The following MARCHF8 variants were observed in gnomAD, a reference collection of about 807,000 sequenced individuals.
The protein encoded by MARCHF8 is E3 ubiquitin-protein ligase MARCHF8.
Under a neutral mutation model 51.6 loss-of-function variants are expected in MARCHF8, and 40 were observed. That is an observed-to-expected ratio of 0.77 (90% CI 0.60 to 1.01). The LOEUF is 1.01. Among genes scored for constraint, MARCHF8 ranks in the 50% least tolerant of loss-of-function variants. MARCHF8 has a pLI of 0.00. For missense variants in MARCHF8, 685 were observed against 708.6 expected (o/e 0.97, Z 0.38); for synonymous variants, 263 against 280.3 (o/e 0.94, Z 0.62).
intron 1 of MARCHF8, among the ~76,000 whole-genome samples, chr10:45,573,500 C>G (rs1230230394): frequency 6.6e-6 from 1 of 152,202 alleles, no homozygotes; most frequent in East Asian, 1.9e-4. Context: ...TGCCGGAAAT[C>G]TGGCCACTGG....
At chr10:45,538,536 G>C (rs1299916328), upstream of MARCHF8, among the ~76,000 whole-genome samples, 1 of 152,144 alleles carries the variant, frequency 6.6e-6, no homozygotes, top group Non-Finnish European at 1.5e-5. Context: ...TGGATAAAGA[G>C]TCAAGACCCA....
rs139707041 is a variant in MARCHF8 at position 45,507,032 on chromosome 10, T to C, written c.103-17615A>G. 1.3e-3 allele frequency among the ~76,000 whole-genome samples: 199 copies of C among 152,340 alleles called. 1 individual carries two copies. Among genetic ancestry groups the C allele is most frequent in the African/African-American group, 4.3e-3 (178 of 41,586 alleles). ...AATGAAAGTGTACACACAGTTAAAG[T>C]TGTGTTAGCTCTGGATGTTAGCTCT... On this transcript the variant is annotated intron_variant, in intron 2 of 7. Transcript: ENST00000453424.
intron 1 of MARCHF8, among the ~76,000 whole-genome samples, chr10:45,591,334 G>A (rs914478422): frequency 3.0e-4 from 45 of 152,154 alleles, no homozygotes; most frequent in Admixed American, 2.2e-3. Flanking sequence ...GCATGGTGGC[G>A]TGTGCCCATA....
intron 1 of MARCHF8, among the ~76,000 whole-genome samples, chr10:45,574,790 A>C (rs1027355424): frequency 1.3e-5 from 2 of 151,958 alleles, no homozygotes; most frequent in African/African-American, 2.4e-5. Flanking sequence ...TAACTTCCAA[A>C]ATCTATTTTC....
intron 1 of MARCHF8, among the ~76,000 whole-genome samples, chr10:45,588,132 C>G (rs2044637185): frequency 6.7e-6 from 1 of 149,476 alleles, no homozygotes; most frequent in East Asian, 1.9e-4. Context: ...TCCTTACATG[C>G]TAATAAATAT....
intron 3 of MARCHF8, among the ~76,000 whole-genome samples, chr10:45,479,858 C>T (rs564916464): frequency 4.5e-4 from 68 of 152,224 alleles, no homozygotes; most frequent in Non-Finnish European, 8.7e-4. Context: ...TATAAAGATA[C>T]CTGAAAATGT....
intron 1 of MARCHF8, among the ~76,000 whole-genome samples, chr10:45,565,454 T>C (rs941899223): frequency 2.6e-5 from 4 of 151,840 alleles, no homozygotes; most frequent in African/African-American, 7.3e-5. Flanking sequence ...AATATAAACA[T>C]ATATGACAAC....
chr10:45,474,828 A>G (rs936719387), intron 3 of MARCHF8, among the ~76,000 whole-genome samples: 2 of 152,142 alleles, frequency 1.3e-5, no homozygotes, highest in Non-Finnish European at 2.9e-5. Flanking sequence ...GAAGCGAGCG[A>G]TCCCCAGCGG....
intron 1 of MARCHF8, among the ~76,000 whole-genome samples, chr10:45,558,730 G>C (rs2044278863): frequency 6.6e-6 from 1 of 152,232 alleles, no homozygotes; most frequent in South Asian, 2.1e-4. Flanking sequence ...GTGTATGTAT[G>C]TATAACACCC....
intron 1 of MARCHF8, among the ~76,000 whole-genome samples, chr10:45,555,462 C>T (rs1472102774): frequency 4.0e-5 from 6 of 151,844 alleles, no homozygotes; most frequent in African/African-American, 7.3e-5. Flanking sequence ...GCTGGCTGGG[C>T]GTGATGGCTC....
chr10:45,482,200 G>A (rs187222216), intron 3 of MARCHF8, among the ~76,000 whole-genome samples: 17 of 152,212 alleles, frequency 1.1e-4, no homozygotes, highest in Admixed American at 3.3e-4. Flanking sequence ...CCACGTCCAC[G>A]GATCAAAAGA....
At chr10:45,593,755 G>A (rs974586249) in intron 1 of MARCHF8, 2 of 152,248 alleles carry the variant, frequency 1.3e-5, no homozygotes, top group African/African-American at 4.8e-5. Context: ...AGGCCCCGAA[G>A]TATGGTATGT....
chr10:45,496,251 CAT>C (rs997858081), intron 2 of MARCHF8, among the ~76,000 whole-genome samples: 3 of 151,922 alleles, frequency 2.0e-5, no homozygotes, highest in Admixed American at 1.3e-4. Flanking sequence ...AATATAAATG[CAT>C]ATATATTTTG....
chr10:45,481,598 G>A (rs535891195), intron 3 of MARCHF8, among the ~76,000 whole-genome samples: 34 of 152,118 alleles, frequency 2.2e-4, no homozygotes, highest in Admixed American at 9.2e-4. Context: ...AACCTCTTTC[G>A]CTTGGTTCTC....
chr10:45,542,796 A>T (rs996322602), intron 1 of MARCHF8, among the ~76,000 whole-genome samples: 1 of 152,230 alleles, frequency 6.6e-6, no homozygotes, highest in Non-Finnish European at 1.5e-5. Flanking sequence ...GACTCATGTG[A>T]CCTTAAACAG....
In MARCHF8 at chr10:45,487,417, C is replaced by G. The variant is rs76112542; in HGVS notation, c.153+1950G>C. Among the ~76,000 whole-genome samples, 111 of 152,252 alleles carry G rather than the reference C, an allele frequency of 7.3e-4. 2 individuals carry two copies. The East Asian group carries it at 0.021, about 29-fold the overall frequency. On this transcript the variant is annotated intron_variant, in intron 3 of 7. Transcript: ENST00000453424. Reference sequence around the variant, plus strand: ...ACTGCCCTTGGCTACTAGGGCAAGGCGACATACATGTGTTACTGAGCGTTT... The same window carrying G: ...ACTGCCCTTGGCTACTAGGGCAAGGGGACATACATGTGTTACTGAGCGTTT...
intron 2 of MARCHF8, among the ~76,000 whole-genome samples, chr10:45,507,583 T>C (rs933922994): frequency 2.0e-5 from 3 of 152,142 alleles, no homozygotes; most frequent in African/African-American, 4.8e-5. Flanking sequence ...AATTTATGCA[T>C]TACCCAGAGG....
intron 2 of MARCHF8, among the ~76,000 whole-genome samples, chr10:45,516,748 A>T (rs1467907280): frequency 6.6e-6 from 1 of 152,130 alleles, no homozygotes; most frequent in Admixed American, 6.5e-5. Context: ...TGGGTAACAG[A>T]ACAAGACTTT....
intron 2 of MARCHF8, among the ~76,000 whole-genome samples, chr10:45,511,455 C>T (rs991315887): frequency 6.6e-5 from 10 of 152,136 alleles, no homozygotes; most frequent in Admixed American, 1.3e-4. Flanking sequence ...CCTCTGATGC[C>T]GAGCCGAAGC....
Sources: allele counts gnomAD v4.1 joint callset (sites outside exome capture counted in the v4.1 genomes callset), GRCh38; gene constraint gnomAD v4.1.1; transcripts MANE v1.5; gene names NCBI Gene and HGNC (gene_info 2026-07-23, HGNC 2026-07-21).